Variants in LDB2 observed in about 807,000 individuals in gnomAD.
The protein encoded by LDB2 is LIM domain binding 2.
LDB2 carries 12 observed loss-of-function variants against 44.3 expected under a neutral mutation model. The observed-to-expected ratio is 0.27, with a 90% CI of 0.17 to 0.44. The LOEUF (loss-of-function observed/expected upper bound fraction) is 0.44. Among genes scored for constraint, LDB2 ranks in the 20% least tolerant of loss-of-function variants. The pLI, the probability that LDB2 is intolerant of heterozygous loss-of-function variation, is 1.00. For missense variants in LDB2, 344 were observed against 473.5 expected (o/e 0.73, Z 2.54); for synonymous variants, 164 against 174.8 (o/e 0.94, Z 0.49).
chr4:16,860,358 CACACACACAT>C (rs373745779), intron 1 of LDB2, among the ~76,000 whole-genome samples: 239 of 152,320 alleles, frequency 1.6e-3, no homozygotes, highest in African/African-American at 5.4e-3. Context: ...GTCACACAGA[CACACACACAT>C]ACACACACAC....
At chr4:16,830,995 C>T (rs1474219649) in intron 1 of LDB2, among the ~76,000 whole-genome samples, 1 of 152,092 alleles carries the variant, frequency 6.6e-6, no homozygotes, top group African/African-American at 2.4e-5. Flanking sequence ...AAATGCTGAG[C>T]TGCCTTTTCT....
At position 16,596,740 on chromosome 4, in the gene LDB2, T is replaced by C. The variant is rs190236877; in HGVS notation, c.236-865A>G. Among the ~76,000 whole-genome samples, 303 of 152,340 alleles carry C rather than the reference T, an allele frequency of 2.0e-3. 2 individuals are homozygous for C. The highest frequency in any genetic ancestry group is 6.9e-3 in the African/African-American group (286 of 41,586). The stretch of plus-strand genomic sequence containing the variant: ...GTCTAAATTGGTCTCTTTCATTCCA[T>C]GTGTCTGGTCCTGTCCCATTTTAGT... On this transcript the variant is annotated intron_variant, in intron 2 of 7. Transcript: ENST00000304523.
chr4:16,853,207 G>A (rs979675277), intron 1 of LDB2, among the ~76,000 whole-genome samples: 1 of 152,098 alleles, frequency 6.6e-6, no homozygotes, highest in Non-Finnish European at 1.5e-5. Flanking sequence ...CCTATGGATT[G>A]AGAAAAAATA....
chr4:16,739,906 T>C (rs62296589), intron 2 of LDB2, among the ~76,000 whole-genome samples: 34,905 of 150,224 alleles, frequency 0.23, 4,798 homozygotes, highest in Non-Finnish European at 0.32. Flanking sequence ...GTACCAAGTA[T>C]ATTAAAGCAA....
At chr4:16,865,551 A>G (rs1372557881) in intron 1 of LDB2, among the ~76,000 whole-genome samples, 1 of 152,126 alleles carries the variant, frequency 6.6e-6, no homozygotes, top group Non-Finnish European at 1.5e-5. Flanking sequence ...CCTCCAAGAG[A>G]AGGGCCATTT....
intron 2 of LDB2, among the ~76,000 whole-genome samples, chr4:16,752,716 T>G (rs1039420736): frequency 2.6e-5 from 4 of 152,222 alleles, no homozygotes; most frequent in Non-Finnish European, 5.9e-5. Flanking sequence ...TTGGCATTAT[T>G]GTTACCCAGA....
At chr4:16,819,097 T>C (rs772253062) in intron 1 of LDB2, among the ~76,000 whole-genome samples, 5,025 of 29,232 alleles carry the variant, frequency 0.17, 92 homozygotes, top group Middle Eastern at 0.23. Flanking sequence ...GTTGCTTGTG[T>C]GTGTGTGTGT....
At chr4:16,885,154 T>TAAAAA (rs57704740) in intron 1 of LDB2, among the ~76,000 whole-genome samples, 1 of 94,848 alleles carries the variant, frequency 1.1e-5, no homozygotes, top group Non-Finnish European at 2.0e-5. Flanking sequence ...ATACCACTTC[T>TAAAAA]AAAAAAAAAA....
intron 2 of LDB2, among the ~76,000 whole-genome samples, chr4:16,721,282 A>C (rs1248733321): frequency 2.6e-5 from 4 of 152,136 alleles, no homozygotes; most frequent in Non-Finnish European, 5.9e-5. Context: ...GTCAGTTCTT[A>C]ATTATCCACA....
At chr4:16,540,602 T>C (rs1577499774) in intron 5 of LDB2, among the ~76,000 whole-genome samples, 1 of 152,288 alleles carries the variant, frequency 6.6e-6, no homozygotes, top group East Asian at 1.9e-4. Context: ...ATTGAACATC[T>C]CTTCCTCTCC....
chr4:16,510,084 A>G (rs928106979), intron 6 of LDB2, among the ~76,000 whole-genome samples: 1 of 152,190 alleles, frequency 6.6e-6, no homozygotes, highest in Non-Finnish European at 1.5e-5. Flanking sequence ...ACTGCAGTCC[A>G]GCCTGGGTGA....
At chr4:16,818,400 G>C (rs150298647) in intron 1 of LDB2, among the ~76,000 whole-genome samples, 1 of 152,276 alleles carries the variant, frequency 6.6e-6, no homozygotes, top group African/African-American at 2.4e-5. Context: ...ATTCTCAATG[G>C]GAGAACTGTC....
At chr4:16,850,295 A>G in intron 1 of LDB2, among the ~76,000 whole-genome samples, 1 of 152,162 alleles carries the variant, frequency 6.6e-6, no homozygotes, top group East Asian at 1.9e-4. Context: ...GACAAATTCT[A>G]GCCCCACCAC....
intron 1 of LDB2, among the ~76,000 whole-genome samples, chr4:16,773,191 A>G (rs1771081602): frequency 6.6e-6 from 1 of 152,214 alleles, no homozygotes; most frequent in Non-Finnish European, 1.5e-5. Context: ...TCTGAAGAGG[A>G]GAAAATGCTA....
chr4:16,536,180 GC>G (rs1731785209), intron 5 of LDB2, among the ~76,000 whole-genome samples: 1 of 152,184 alleles, frequency 6.6e-6, no homozygotes, highest in Admixed American at 6.5e-5. Flanking sequence ...GAGAAGAACA[GC>G]CCATATGAAG....
chr4:16,614,597 A>AC (rs1560637771), intron 2 of LDB2, among the ~76,000 whole-genome samples: 7 of 151,400 alleles, frequency 4.6e-5, no homozygotes, highest in Non-Finnish European at 8.8e-5. Flanking sequence ...AAAAAAAAAA[A>AC]AAAACAAGCA....
intron 2 of LDB2, among the ~76,000 whole-genome samples, chr4:16,613,069 AT>A (rs1726142337): frequency 6.6e-6 from 1 of 152,228 alleles, no homozygotes; most frequent in Non-Finnish European, 1.5e-5. Context: ...ATGCAAATCA[AT>A]AAGTGTAACC....
At chr4:16,636,759 T>A (rs1373894636) in intron 2 of LDB2, among the ~76,000 whole-genome samples, 3 of 152,154 alleles carry the variant, frequency 2.0e-5, no homozygotes, top group Admixed American at 6.5e-5. Flanking sequence ...GTTTTTTAAA[T>A]TTGTAATTTA....
At chr4:16,709,247 G>C (rs1417483446) in intron 2 of LDB2, among the ~76,000 whole-genome samples, 2 of 152,172 alleles carry the variant, frequency 1.3e-5, no homozygotes, top group East Asian at 3.8e-4. Context: ...GATGATATTT[G>C]AGTAGAAATG....
Sources: gnomAD v4.1 joint callset for allele counts (sites outside exome capture counted in the v4.1 genomes callset) on GRCh38, gnomAD v4.1.1 for gene constraint, MANE v1.5 for transcripts, NCBI Gene and HGNC (gene_info 2026-07-23, HGNC 2026-07-21) for gene names.